SEPTIN11: variants seen among roughly 807,000 people sequenced by gnomAD.
SEPTIN11 encodes the protein septin-11.
In SEPTIN11, 25 loss-of-function variants were observed where a neutral mutation model predicts 51.4. The observed-to-expected ratio is 0.49, with a 90% CI of 0.35 to 0.68. The LOEUF is 0.68. Among genes scored for constraint, SEPTIN11 ranks in the 30% least tolerant of loss-of-function variants. SEPTIN11 has a pLI of 0.00. For synonymous variants in SEPTIN11, 174 were observed against 184.1 expected, an observed-to-expected ratio of 0.95 and a Z score of 0.44; for missense variants, 381 against 520.8, an observed-to-expected ratio of 0.73 and a Z score of 2.61.
rs1380617649 is a variant in SEPTIN11, at chr4:76,984,229, G to A, written c.28-12196G>A. 2.0e-5 allele frequency among the ~76,000 whole-genome samples: 3 copies of A among 152,166 alleles called. No homozygotes were observed. The highest frequency in any genetic ancestry group is 7.2e-5 in the African/African-American group (3 of 41,442). ...TCTAGGTCAGCCTGGATTAGGAACTGAACATGCCTTGGGAGGAGAAAGCAG... is the reference window on the plus strand; with the variant it reads ...TCTAGGTCAGCCTGGATTAGGAACTAAACATGCCTTGGGAGGAGAAAGCAG... On this transcript the variant is annotated intron_variant, in intron 1 of 9. Coordinates refer to ENST00000264893, the MANE Select transcript of SEPTIN11 (RefSeq NM_018243.4). The surrounding 1 kb of genome is among the most constrained non-coding windows in gnomAD (Gnocchi z 4.1).
chr4:76,983,640 C>T (rs888447990), intron 1 of SEPTIN11, among the ~76,000 whole-genome samples: 10 of 152,178 alleles, frequency 6.6e-5, no homozygotes, highest in African/African-American at 1.7e-4. Flanking sequence ...AAAACTAGCA[C>T]ATGCCCCACA....
chr4:77,017,649 C>T (rs1725393635), intron 5 of SEPTIN11, among the ~76,000 whole-genome samples: 1 of 152,176 alleles, frequency 6.6e-6, no homozygotes. Context: ...ATGATTATGC[C>T]AAGTTCTTTG....
At chr4:76,982,836 A>C (rs2109917321) in intron 1 of SEPTIN11, among the ~76,000 whole-genome samples, 1 of 152,320 alleles carries the variant, frequency 6.6e-6, no homozygotes, top group African/African-American at 2.4e-5. Flanking sequence ...TATCAGATTC[A>C]GTGTAAAAGG....
intron 8 of SEPTIN11, 102 bp downstream of exon 8, chr4:77,028,863 A>T: frequency 7.8e-7 from 1 of 1,287,870 alleles, no homozygotes; most frequent in Non-Finnish European, 1.0e-6. Flanking sequence ...TACTTTCTAC[A>T]TGCATTTTGT....
At chr4:77,016,102 T>G (rs1271805759) in intron 5 of SEPTIN11, among the ~76,000 whole-genome samples, 1 of 152,120 alleles carries the variant, frequency 6.6e-6, no homozygotes, top group African/African-American at 2.4e-5. Flanking sequence ...CCTCTAAAAT[T>G]CTCTGGTTGT....
chr4:76,988,127 C>T (rs1002868181), intron 1 of SEPTIN11, among the ~76,000 whole-genome samples: 2 of 152,156 alleles, frequency 1.3e-5, no homozygotes, highest in Non-Finnish European at 2.9e-5. Context: ...ACACAGGGGC[C>T]GCCTATTAAA....
At chr4:76,975,325 G>C (rs1464307798) in intron 1 of SEPTIN11, among the ~76,000 whole-genome samples, 2 of 151,836 alleles carry the variant, frequency 1.3e-5, no homozygotes, top group Non-Finnish European at 2.9e-5. Context: ...GTCAGCTTGG[G>C]GCATTTTTGG....
At chr4:76,998,952 G>A (rs887482985) in intron 2 of SEPTIN11, among the ~76,000 whole-genome samples, 2 of 152,128 alleles carry the variant, frequency 1.3e-5, no homozygotes, top group African/African-American at 2.4e-5. Context: ...AAGAAGACAG[G>A]ATCAGAAAGG....
chr4:77,028,084 G>A (rs1383512385), intron 7 of SEPTIN11, among the ~76,000 whole-genome samples: 1 of 152,074 alleles, frequency 6.6e-6, no homozygotes, highest in African/African-American at 2.4e-5. Flanking sequence ...ACCATTTACT[G>A]GGCACTGACT....
chr4:77,038,891 G>A (rs964615147), downstream of SEPTIN11, among the ~76,000 whole-genome samples: 2 of 152,050 alleles, frequency 1.3e-5, no homozygotes, highest in African/African-American at 4.8e-5. Context: ...CTGAGGCATC[G>A]TCTTCTTCAC....
At chr4:77,018,879 A>C (rs758711073) in intron 5 of SEPTIN11, among the ~76,000 whole-genome samples, 2 of 152,228 alleles carry the variant, frequency 1.3e-5, no homozygotes, top group African/African-American at 2.4e-5. Flanking sequence ...CAGGTGCTCA[A>C]CAGTCACATA....
At chr4:76,953,740 T>G (rs1239335975) in intron 1 of SEPTIN11, among the ~76,000 whole-genome samples, 2 of 152,236 alleles carry the variant, frequency 1.3e-5, no homozygotes, top group Non-Finnish European at 2.9e-5. Flanking sequence ...AAGAAGTTTC[T>G]GAGGTACAAT....
At chr4:76,957,788 C>T (rs937171972) in intron 1 of SEPTIN11, among the ~76,000 whole-genome samples, 1 of 152,072 alleles carries the variant, frequency 6.6e-6, no homozygotes, top group Non-Finnish European at 1.5e-5. Flanking sequence ...GAAGCCTCCA[C>T]CCATGAATCA....
chr4:77,020,595 A>G lies in SEPTIN11; in HGVS notation c.878A>G (p.His293Arg). The change falls in exon 7 of 10, where the codon CAC becomes CGC. Residue 293 changes from histidine to arginine, a missense_variant. Physicochemically the swap from His to Arg is conservative, Grantham distance 29. This residue lies in a region of SEPTIN11 where 197 missense variants were observed against 313.1 expected (regional missense o/e 0.63). Coordinates refer to ENST00000264893, the MANE Select transcript of SEPTIN11 (RefSeq NM_018243.4). The stretch of plus-strand genomic sequence containing the variant: ...TTGCGAGAGCAGACTCACACCCGCC[A>G]CTATGAATTGTACCGACGCTGTAAG... The part of the protein sequence containing the change: ...EDLREQTHTR[H>R]YELYRRCKLE... The G allele has an allele frequency of 6.2e-7, 1 of 1,614,106 alleles. No homozygotes were observed. Among genetic ancestry groups the G allele is most frequent in the Non-Finnish European group, 8.5e-7 (1 of 1,180,002 alleles).
At chr4:76,994,587 A>G (rs1723562820) in intron 1 of SEPTIN11, among the ~76,000 whole-genome samples, 1 of 152,240 alleles carries the variant, frequency 6.6e-6, no homozygotes, top group Admixed American at 6.5e-5. Context: ...TGTCTGTCCC[A>G]TTGACCTCAA....
At chr4:76,970,797 T>A (rs1272091289) in intron 1 of SEPTIN11, among the ~76,000 whole-genome samples, 1 of 152,208 alleles carries the variant, frequency 6.6e-6, no homozygotes, top group Non-Finnish European at 1.5e-5. Context: ...TGATGCTGTA[T>A]TCAGGGCCTT....
chr4:76,982,536 C>A (rs1337948384), intron 1 of SEPTIN11, among the ~76,000 whole-genome samples: 1 of 152,152 alleles, frequency 6.6e-6, no homozygotes, highest in East Asian at 1.9e-4. Context: ...TTACCATAAC[C>A]TAGGGCAAAA....
chr4:77,024,831 G>A lies in SEPTIN11; in HGVS notation c.954-3798G>A, dbSNP rs1462431139. On this transcript the variant is annotated intron_variant, in intron 7 of 9. Coordinates refer to ENST00000264893, the MANE Select transcript of SEPTIN11 (RefSeq NM_018243.4). This position sits in a 1 kb window ranked among gnomAD's most constrained non-coding sequence, Gnocchi z 4.2. ...CTGGTCAAATTACCTGTGTGTCCAA[G>A]TTTCCCCATCTATAAAGTGGGAGGT... Among the ~76,000 whole-genome samples the A allele has an allele frequency of 1.3e-5, 2 of 152,150 alleles. No homozygotes were observed. Among genetic ancestry groups the A allele is most frequent in the East Asian group, 3.9e-4 (2 of 5,194 alleles).
At chr4:76,967,901 T>C (rs1722094774) in intron 1 of SEPTIN11, among the ~76,000 whole-genome samples, 1 of 152,158 alleles carries the variant, frequency 6.6e-6, no homozygotes, top group South Asian at 2.1e-4. Flanking sequence ...CATCAACATT[T>C]TTGAATTGTT....
Sources: gnomAD v4.1 joint callset for allele counts (sites outside exome capture counted in the v4.1 genomes callset) on GRCh38, gnomAD v4.1.1 for gene constraint, gnomAD v4.1.1 regional missense constraint, Gnocchi (gnomAD v3.1) non-coding constraint, MANE v1.5 for transcripts, NCBI Gene and HGNC (gene_info 2026-07-23, HGNC 2026-07-21) for gene names.